The following PFKM variants were observed in gnomAD, a reference collection of about 807,000 sequenced individuals.
PFKM encodes phosphofructokinase, muscle, also known as ATP-dependent 6-phosphofructokinase, muscle type.
PFKM carries 58 observed loss-of-function variants against 95.5 expected under a neutral mutation model. The observed-to-expected ratio is 0.61, with a 90% CI of 0.49 to 0.76. PFKM has a LOEUF of 0.76. PFKM is among the 30% of genes least tolerant of loss of function. The probability of loss-of-function intolerance (pLI) is 0.00; values close to 1 mark genes in which losing one functional copy is unlikely to be tolerated. For synonymous variants in PFKM, 336 were observed against 357.2 expected (o/e 0.94, Z 0.67); for missense variants, 678 against 1,005.4 (o/e 0.67, Z 4.40).
chr12:48,131,264 G>T, intron 3 of PFKM, 52 bp from the exon 4 acceptor site: 1 of 1,265,416 alleles, frequency 7.9e-7, no homozygotes, highest in Admixed American at 1.7e-5. Flanking sequence ...TCTTAATCTT[G>T]GGAATTTATA....
rs759587240 is a variant in PFKM, at chr12:48,134,728, G to A, written c.646G>A (p.Ala216Thr). Residue 216 changes from alanine (A) to threonine (T), a missense_variant, in exon 8 of 23, where the codon GCC becomes ACC. By Grantham distance (58) the Ala-to-Thr change is moderately conservative. Coordinates refer to ENST00000359794, the MANE Select transcript of PFKM (RefSeq NM_000289.6). ...TTCTGACTCTCATCTCAGATACCTG[G>A]CCCTTGTCACCTCTCTGTCCTGTGG... ...EVMGRHCGYLALVTSLSCGAD... is the reference protein window; with the variant it reads ...EVMGRHCGYLTLVTSLSCGAD... The A allele has an allele frequency of 6.8e-6, 11 of 1,611,128 alleles. No individual in the cohort carries two copies. The highest frequency in any genetic ancestry group is 8.5e-7 in the Non-Finnish European group (1 of 1,177,244).
At chr12:48,132,197 A>T (rs1949571161) in intron 4 of PFKM, 1 of 398,182 alleles carries the variant, frequency 2.5e-6, no homozygotes, top group African/African-American at 2.1e-5. Flanking sequence ...ACCTAAGTAT[A>T]CTTACCTCTC....
chr12:48,139,912 G>A lies in PFKM; in HGVS notation c.1191G>A (p.Lys397=). ...LLAHVRPPVS[K]SGSHTVAVMN... ...CTCATGTCAGACCCCCGGTATCTAA[G>A]GTACTGGCAAGTTGACTTGCCCTCT... The change falls in exon 13 of 23, where the codon AAG becomes AAA. Residue 397 remains lysine, a splice_region_variant and synonymous_variant. Coordinates refer to ENST00000359794, the MANE Select transcript of PFKM (RefSeq NM_000289.6). The A allele has an allele frequency of 6.2e-7, 1 of 1,606,772 alleles. No homozygotes were observed. Among genetic ancestry groups the A allele is most frequent in the South Asian group, 1.1e-5 (1 of 90,842 alleles).
rs549908771 is a variant in PFKM, at chr12:48,144,460, A to G, written c.1992+303A>G. Among the ~76,000 whole-genome samples, 6 of 152,228 alleles carry G rather than the reference A, an allele frequency of 3.9e-5. 1 individual carries two copies. Among genetic ancestry groups the G allele is most frequent in the African/African-American group, 2.4e-5 (1 of 41,530 alleles). On this transcript the variant is annotated intron_variant, in intron 20 of 22. Coordinates refer to ENST00000359794, the MANE Select transcript of PFKM (RefSeq NM_000289.6). ...ATAATTTGTCATGGGTGGCTGTTCT[A>G]TGCACTGTAGGACAGTTGCACAGCA...
At position 48,133,131 on chromosome 12, in the gene PFKM, C is replaced by T. The variant is rs538669647; in HGVS notation, c.427+74C>T. The T allele has an allele frequency of 8.3e-5, 121 of 1,459,724 alleles. No homozygotes were observed. In the East Asian group the frequency reaches 2.0e-3, roughly 24 times the overall value. 90.4% of individuals were successfully genotyped at this position (1,459,724 alleles called of 1,614,324 possible). Reference sequence around the variant, plus strand: ...CGCGTGTACACACACACATCGCCCCCGCCCTGCTTTTACCTCCCATTGGAG... The same window carrying T: ...CGCGTGTACACACACACATCGCCCCTGCCCTGCTTTTACCTCCCATTGGAG... On this transcript the variant is annotated intron_variant, in intron 5 of 22. Transcript: ENST00000359794.
Position 48,119,408 on chromosome 12 carries a change from C to A in PFKM, c.-9+2C>A. On this transcript the variant is annotated splice_donor_variant, in intron 1 of 22. Transcript: ENST00000359794. LOFTEE classifies it low-confidence loss of function (5UTR_SPLICE). The stretch of plus-strand genomic sequence containing the variant: ...GCGGAGGAGAGCTAAGACTAAAAGG[C>A]AAGAGGGGCCATTGAGTGAAGAGCA... The A allele has an allele frequency of 2.0e-6, 2 of 985,890 alleles. No homozygotes were observed. The highest frequency in any genetic ancestry group is 2.4e-6 in the Non-Finnish European group (2 of 830,270). The allele number at this position is 985,890 out of a possible 1,614,324, so 61.1% of individuals were successfully genotyped here. A position where few individuals can be genotyped will look rare whatever the true frequency, so the allele number is the denominator to read the frequency against.
upstream of PFKM, among the ~76,000 whole-genome samples, chr12:48,116,111 TC>T (rs1264934536): frequency 1.3e-5 from 2 of 150,422 alleles, no homozygotes; most frequent in African/African-American, 4.9e-5. Flanking sequence ...CTTTTTCCTT[TC>T]CCCCCTTCCC....
Position 48,139,349 on chromosome 12 carries a change from G to T in PFKM, c.1127G>T (p.Arg376Leu), listed in dbSNP as rs187131358. ...GACGAAGCCCTGAAGCTGAGAGGCC[G>T]GTGAGGAGATGACGGGAAGCTCACT... is the stretch of plus-strand genomic sequence containing the variant. ...KFDEALKLRGRSFMNNWEVYK... is the reference protein window; with the variant it reads ...KFDEALKLRGLSFMNNWEVYK... The change falls in exon 12 of 23, where the codon CGG (arginine) becomes CTG (leucine). Residue 376 changes from arginine to leucine, a missense_variant and splice_region_variant. Arg to Leu is a moderately radical substitution (Grantham distance 102). Coordinates refer to ENST00000359794, the MANE Select transcript of PFKM (RefSeq NM_000289.6). The T allele has an allele frequency of 1.2e-6, 2 of 1,611,804 alleles. No homozygotes were observed. The highest frequency in any genetic ancestry group is 1.3e-5 in the African/African-American group (1 of 74,874).
intron 5 of PFKM, 43 bp downstream of exon 5, chr12:48,133,100 C>A: frequency 6.4e-7 from 1 of 1,551,160 alleles, no homozygotes; most frequent in Non-Finnish European, 8.9e-7. Context: ...TGTGTCGGTA[C>A]GTGCACGCGT....
chr12:48,125,790 A>G (rs887944882), intron 2 of PFKM, among the ~76,000 whole-genome samples: 2 of 152,160 alleles, frequency 1.3e-5, no homozygotes, highest in African/African-American at 2.4e-5. Flanking sequence ...GCACGAACAG[A>G]GATCCTTTTA....
intron 2 of PFKM, among the ~76,000 whole-genome samples, chr12:48,123,419 G>A (rs1289260794): frequency 6.6e-6 from 1 of 152,100 alleles, no homozygotes; most frequent in Admixed American, 6.5e-5. Context: ...AGGTGGAGGG[G>A]CAGAAAACAG....
At chr12:48,105,502 G>T, upstream of PFKM, 1 of 519,092 alleles carries the variant, frequency 1.9e-6, no homozygotes. Context: ...TGGCACTAGC[G>T]ATATCACATC....
intron 17 of PFKM, 99 bp from the exon 18 acceptor site, chr12:48,142,683 G>T: frequency 8.5e-7 from 1 of 1,170,360 alleles, no homozygotes; most frequent in Non-Finnish European, 1.3e-6. Context: ...AGCCTATGGA[G>T]AATATAGTTC....
chr12:48,113,674 G>A (rs1234758657), intron 3 of PFKM, among the ~76,000 whole-genome samples: 1 of 149,894 alleles, frequency 6.7e-6, no homozygotes, highest in Non-Finnish European at 1.5e-5. Flanking sequence ...GTGTGCTGGA[G>A]ATGTGGCTGG....
chr12:48,124,070 A>G (rs1437595148), intron 2 of PFKM, among the ~76,000 whole-genome samples: 2 of 152,230 alleles, frequency 1.3e-5, no homozygotes, highest in African/African-American at 2.4e-5. Flanking sequence ...TTCACCAGTG[A>G]TACATCAGTG....
Position 48,145,140 on chromosome 12 carries a change from G to A in PFKM, c.2092+10G>A. 1.2e-6 allele frequency: 2 copies of A among 1,611,084 alleles called. No homozygotes were observed. The highest frequency in any genetic ancestry group is 1.7e-6 in the Non-Finnish European group (2 of 1,177,174). On this transcript the variant is annotated intron_variant, in intron 21 of 22. Coordinates refer to ENST00000359794, the MANE Select transcript of PFKM (RefSeq NM_000289.6). This position sits in a 1 kb window ranked among gnomAD's most constrained non-coding sequence, Gnocchi z 4.3. Reference sequence around the variant, plus strand: ...GAGAGTTACCGTAATGGTAGGTGGGGTGAGAGCGAGTGCCCTCTATAGAGG... The same window carrying A: ...GAGAGTTACCGTAATGGTAGGTGGGATGAGAGCGAGTGCCCTCTATAGAGG...
intron 2 of PFKM, chr12:48,107,522 A>G: frequency 2.0e-6 from 2 of 998,454 alleles, no homozygotes; most frequent in Non-Finnish European, 3.1e-6. Context: ...GTCTAAATAC[A>G]GGATGTGAGG....
rs183473355 is a variant in PFKM, at chr12:48,110,933, T to G, written c.205+2739T>G. Among the ~76,000 whole-genome samples, 3 of 152,246 alleles carry G rather than the reference T, an allele frequency of 2.0e-5. No homozygotes were observed. The East Asian group carries it at 5.8e-4, about 29-fold the overall frequency. On this transcript the variant is annotated intron_variant, in intron 3 of 24. Coordinates refer to the PFKM transcript ENST00000340802. ...GTGTGAGTCATCTAGGCTGTACACT[T>G]TACCCCTATGTCCTGACCCCTAGGC...
rs1465344107 is a variant in PFKM, at chr12:48,119,389, G to A, written c.-26G>A. 3.0e-6 allele frequency: 3 copies of A among 985,788 alleles called. No homozygotes were observed. The highest frequency in any genetic ancestry group is 2.4e-6 in the Non-Finnish European group (2 of 830,234). 61.1% of individuals were successfully genotyped at this position (985,788 alleles called of 1,614,324 possible). A position where few individuals can be genotyped will look rare whatever the true frequency, so the allele number is the denominator to read the frequency against. On this transcript the variant is annotated 5_prime_UTR_variant, in exon 1 of 23. Transcript: ENST00000359794. ...AATCTGCAAGAAAGCAGCGGCGGAG[G>A]AGAGCTAAGACTAAAAGGCAAGAGG...
Sources: gnomAD v4.1 joint callset for allele counts (sites outside exome capture counted in the v4.1 genomes callset) on GRCh38, gnomAD v4.1.1 for gene constraint, Gnocchi (gnomAD v3.1) non-coding constraint, MANE v1.5 for transcripts, NCBI Gene and HGNC (gene_info 2026-07-23, HGNC 2026-07-21) for gene names.